THBS4: variants seen among roughly 807,000 people sequenced by gnomAD.
The protein encoded by THBS4 is thrombospondin-4.
In THBS4, 90 loss-of-function variants were observed where a neutral mutation model predicts 115.7. The observed-to-expected ratio is 0.78, with a 90% CI of 0.66 to 0.93. The LOEUF is 0.93. Ranked by LOEUF, THBS4 falls within the 40% of genes least tolerant of loss-of-function variation. THBS4 has a pLI of 0.00. For synonymous variants in THBS4, 460 were observed against 479.3 expected, an observed-to-expected ratio of 0.96 and a Z score of 0.53; for missense variants, 1,087 against 1,232.7, an observed-to-expected ratio of 0.88 and a Z score of 1.77.
intron 13 of THBS4, chr5:80,071,989 C>T (rs1416790102): frequency 8.7e-6 from 3 of 344,538 alleles, no homozygotes; most frequent in East Asian, 5.5e-5. Context: ...GATCCTCCCT[C>T]TCCAGGGTCA....
chr5:80,039,982 C>A, intron 1 of THBS4, 95 bp from the exon 2 acceptor site: 1 of 1,072,326 alleles, frequency 9.3e-7, no homozygotes, highest in African/African-American at 1.6e-5. Context: ...TACTTTGTAG[C>A]TTACTGTCAA....
chr5:80,030,673 T>G (rs988637944), upstream of THBS4, among the ~76,000 whole-genome samples: 3 of 152,118 alleles, frequency 2.0e-5, no homozygotes, highest in Non-Finnish European at 4.4e-5. Flanking sequence ...GGCCTGATTT[T>G]TTAATTTTTA....
In THBS4 at chr5:80,047,207, G is replaced by A. The variant is rs141879824; in HGVS notation, c.292+6927G>A. Among the ~76,000 whole-genome samples, 5 of 152,250 alleles carry A rather than the reference G, an allele frequency of 3.3e-5. No homozygotes were observed. The East Asian group carries it at 9.7e-4, about 29-fold the overall frequency. The stretch of plus-strand genomic sequence containing the variant: ...TCCTTACATTTTAGGTTTCATTAGT[G>A]CATACATATGGCCAGGTTAAAGAAG... On this transcript the variant is annotated intron_variant, in intron 2 of 21. Transcript: ENST00000350881.
chr5:80,081,465 T>G (rs1405975852), intron 20 of THBS4, among the ~76,000 whole-genome samples: 3 of 152,192 alleles, frequency 2.0e-5, no homozygotes, highest in African/African-American at 7.2e-5. Context: ...ATAATTTAAA[T>G]ATTTGAGCAC....
At chr5:80,032,048 TCAAA>T (rs989255055), upstream of THBS4, among the ~76,000 whole-genome samples, 1 of 151,904 alleles carries the variant, frequency 6.6e-6, no homozygotes, top group African/African-American at 2.4e-5. Flanking sequence ...GGAAAAAAAA[TCAAA>T]CAAATTAATA....
rs114652379 is a variant in THBS4, at chr5:80,078,342, G to A, written c.2265+115G>A. On this transcript the variant is annotated intron_variant, in intron 17 of 21. Transcript: ENST00000350881. ...AATAAGCCAGGCATTCTTCACATTC[G>A]CTCTTATTCCTCAACAGCCCTATGA... The A allele has an allele frequency of 1.7e-3, 1,461 of 884,756 alleles. 13 individuals are homozygous for A. The African/African-American group carries it at 0.018, about 11-fold the overall frequency. 54.8% of individuals were successfully genotyped at this position (884,756 alleles called of 1,614,324 possible). A position where few individuals can be genotyped will look rare whatever the true frequency, so the allele number is the denominator to read the frequency against.
intron 7 of THBS4, among the ~76,000 whole-genome samples, chr5:80,060,863 C>T (rs1833608939): frequency 6.6e-6 from 1 of 152,212 alleles, no homozygotes; most frequent in South Asian, 2.1e-4. Flanking sequence ...GTGCCTTTCT[C>T]CTCCCACCCA....
intron 2 of THBS4, among the ~76,000 whole-genome samples, chr5:80,046,021 A>T (rs564225402): frequency 1.1e-3 from 175 of 152,364 alleles, no homozygotes; most frequent in African/African-American, 4.1e-3. Flanking sequence ...GCTAAAACCT[A>T]ATTGAGTCAA....
At chr5:80,021,570 A>T (rs553247203) in intron 2 of THBS4, among the ~76,000 whole-genome samples, 3 of 151,992 alleles carry the variant, frequency 2.0e-5, no homozygotes, top group Admixed American at 6.6e-5. Context: ...GTCGTGGTAC[A>T]GTCGTAGCTC....
chr5:80,059,262 G>A (rs1345904687), intron 5 of THBS4, among the ~76,000 whole-genome samples, 178 bp from the exon 6 acceptor site: 10 of 151,590 alleles, frequency 6.6e-5, no homozygotes, highest in South Asian at 2.1e-4. Flanking sequence ...CCCAGGAGGC[G>A]GAGGTTGTAG....
At chr5:80,058,184 G>A (rs940978213) in intron 3 of THBS4, 22 bp from the exon 4 acceptor site, 35 of 1,542,228 alleles carry the variant, frequency 2.3e-5, no homozygotes, top group Non-Finnish European at 2.8e-5. Flanking sequence ...GCAATCTGTG[G>A]TATGAATGTG....
At chr5:80,016,590 CTG>C in intron 2 of THBS4, among the ~76,000 whole-genome samples, 1 of 152,148 alleles carries the variant, frequency 6.6e-6, no homozygotes, top group Admixed American at 6.5e-5. Flanking sequence ...AGAAACCAAA[CTG>C]AGTTCTTCAT....
intron 2 of THBS4, among the ~76,000 whole-genome samples, chr5:80,016,531 C>A (rs1832253266): frequency 6.6e-6 from 1 of 152,134 alleles, no homozygotes; most frequent in African/African-American, 2.4e-5. Context: ...TCAACTGTTT[C>A]ACTGTATGAA....
intron 2 of THBS4, among the ~76,000 whole-genome samples, chr5:80,007,453 C>T (rs1228146261): frequency 6.6e-6 from 1 of 152,222 alleles, no homozygotes; most frequent in Non-Finnish European, 1.5e-5. Context: ...CCTGTGCCTC[C>T]TGGAATTCGT....
intron 2 of THBS4, among the ~76,000 whole-genome samples, chr5:80,004,772 C>T (rs867027416): frequency 6.6e-6 from 1 of 152,156 alleles, no homozygotes. Context: ...GAGTCACGCT[C>T]TGTCACCCAG....
intron 2 of THBS4, among the ~76,000 whole-genome samples, chr5:80,023,320 G>GTAACA (rs1460582028): frequency 6.6e-6 from 1 of 152,138 alleles, no homozygotes; most frequent in Non-Finnish European, 1.5e-5. Flanking sequence ...TCTATATAAA[G>GTAACA]TAACACACAC....
chr5:80,042,747 C>T (rs1249075808), intron 2 of THBS4, among the ~76,000 whole-genome samples: 1 of 152,140 alleles, frequency 6.6e-6, no homozygotes, highest in Non-Finnish European at 1.5e-5. Context: ...AGGCAGATCA[C>T]CTGAGGTCAG....
chr5:80,067,423 A>T (rs1833871532), intron 9 of THBS4: 1 of 152,054 alleles, frequency 6.6e-6, no homozygotes, highest in African/African-American at 2.4e-5. Context: ...AGCTAAAAAA[A>T]CCTGGCCCCT....
intron 2 of THBS4, among the ~76,000 whole-genome samples, chr5:80,023,272 G>A (rs1367370303): frequency 6.6e-6 from 1 of 152,126 alleles, no homozygotes; most frequent in Non-Finnish European, 1.5e-5. Context: ...AATATACCTA[G>A]CTGTACCTGC....
Sources: gnomAD v4.1 joint callset for allele counts (sites outside exome capture counted in the v4.1 genomes callset) on GRCh38, gnomAD v4.1.1 for gene constraint, MANE v1.5 for transcripts, NCBI Gene and HGNC (gene_info 2026-07-23, HGNC 2026-07-21) for gene names.